The following ASTN2 variants were observed in gnomAD, a reference collection of about 807,000 sequenced individuals.
The protein encoded by ASTN2 is astrotactin-2.
A neutral mutation model predicts 139.8 loss-of-function variants in ASTN2; 54 were observed. The observed-to-expected ratio is 0.39, with a 90% CI of 0.31 to 0.48. The LOEUF (loss-of-function observed/expected upper bound fraction) is 0.48, where lower values mean the gene tolerates loss of function less well. Among genes scored for constraint, ASTN2 ranks in the 20% least tolerant of loss-of-function variants. ASTN2 has a pLI of 0.95. For missense variants in ASTN2, 1,565 were observed against 1,725.1 expected, an observed-to-expected ratio of 0.91 and a Z score of 1.64; for synonymous variants, 756 against 719.5, an observed-to-expected ratio of 1.05 and a Z score of -0.81.
chr9:117,318,941 G>A (rs759551340), intron 1 of ASTN2, among the ~76,000 whole-genome samples: 3 of 152,192 alleles, frequency 2.0e-5, no homozygotes, highest in Non-Finnish European at 2.9e-5. Flanking sequence ...AAGCGGGGGC[G>A]AGTTTCAACT....
intron 10 of ASTN2, among the ~76,000 whole-genome samples, chr9:116,935,150 TAC>T (rs1275511671): frequency 6.6e-6 from 1 of 152,232 alleles, no homozygotes; most frequent in Non-Finnish European, 1.5e-5. Flanking sequence ...TGGTTGAACA[TAC>T]ACTTCTAGGT....
chr9:116,873,855 G>A (rs991000794), intron 10 of ASTN2, among the ~76,000 whole-genome samples: 1 of 152,180 alleles, frequency 6.6e-6, no homozygotes, highest in African/African-American at 2.4e-5. Context: ...TTCCAGCCAT[G>A]TAGGACATGT....
At chr9:116,442,832 G>T (rs1847878508) in intron 20 of ASTN2, among the ~76,000 whole-genome samples, 1 of 152,196 alleles carries the variant, frequency 6.6e-6, no homozygotes, top group Non-Finnish European at 1.5e-5. Flanking sequence ...GGGACAGAAT[G>T]GGGGTATTGA....
chr9:117,044,133 G>A (rs1838665148), intron 5 of ASTN2, among the ~76,000 whole-genome samples: 2 of 152,164 alleles, frequency 1.3e-5, no homozygotes, highest in South Asian at 4.1e-4. Context: ...AAAAGAAATA[G>A]TGGTGTTTGT....
At chr9:116,981,170 T>G (rs890909115) in intron 7 of ASTN2, among the ~76,000 whole-genome samples, 5 of 152,196 alleles carry the variant, frequency 3.3e-5, no homozygotes, top group African/African-American at 1.2e-4. Context: ...GTTCCCCCAC[T>G]AAGCTGGGAA....
intron 10 of ASTN2, among the ~76,000 whole-genome samples, chr9:116,969,562 A>G (rs527707246): frequency 6.6e-6 from 1 of 152,250 alleles, no homozygotes; most frequent in South Asian, 2.1e-4. Context: ...AGAAAAACAG[A>G]GTGCACCAGA....
intron 11 of ASTN2, among the ~76,000 whole-genome samples, chr9:116,847,349 T>C (rs1012326611): frequency 8.5e-5 from 13 of 152,100 alleles, no homozygotes; most frequent in African/African-American, 2.7e-4. Flanking sequence ...CTCTTGACCT[T>C]GTGATCTACC....
At chr9:117,398,914 T>C (rs1830749747) in intron 1 of ASTN2, among the ~76,000 whole-genome samples, 1 of 152,182 alleles carries the variant, frequency 6.6e-6, no homozygotes, top group Non-Finnish European at 1.5e-5. Flanking sequence ...CCCGAGTAGC[T>C]GGGACTACAG....
chr9:117,412,431 A>C (rs979112453), intron 1 of ASTN2, among the ~76,000 whole-genome samples: 2 of 152,052 alleles, frequency 1.3e-5, no homozygotes, highest in African/African-American at 4.8e-5. Context: ...GTCCTGGGGG[A>C]ATCAAGACTT....
In ASTN2 at chr9:117,365,587, T is replaced by C. The variant is rs115079028; in HGVS notation, c.442+48910A>G. Among the ~76,000 whole-genome samples, 1,227 of 152,236 alleles carry C rather than the reference T, an allele frequency of 8.1e-3. 14 individuals carry two copies. Among genetic ancestry groups the C allele is most frequent in the African/African-American group, 0.028 (1,165 of 41,530 alleles). On this transcript the variant is annotated intron_variant, in intron 1 of 22. Coordinates refer to ENST00000313400, the MANE Select transcript of ASTN2 (RefSeq NM_001365068.1). ...CTTGACAGGTAAATGCTCTGGTCCA[T>C]GAGTGGCATTCACCACTTCCACTCA...
intron 3 of ASTN2, among the ~76,000 whole-genome samples, chr9:117,162,278 C>G (rs1457109411): frequency 6.6e-6 from 1 of 152,058 alleles, no homozygotes; most frequent in African/African-American, 2.4e-5. Context: ...TGCCTGCTCT[C>G]TTGGCAAGTG....
At chr9:117,193,160 C>G (rs536937867) in intron 3 of ASTN2, among the ~76,000 whole-genome samples, 9 of 152,246 alleles carry the variant, frequency 5.9e-5, no homozygotes, top group South Asian at 4.1e-4. Context: ...TAAATGCAAT[C>G]CTGTCTCCCC....
At chr9:117,374,182 A>C (rs1337068040) in intron 1 of ASTN2, among the ~76,000 whole-genome samples, 2 of 152,080 alleles carry the variant, frequency 1.3e-5, no homozygotes, top group African/African-American at 4.8e-5. Flanking sequence ...AGCAGGGCTT[A>C]GGATGGGGAA....
At chr9:116,442,833 G>A (rs947254779) in intron 20 of ASTN2, among the ~76,000 whole-genome samples, 1 of 152,140 alleles carries the variant, frequency 6.6e-6, no homozygotes, top group Non-Finnish European at 1.5e-5. Flanking sequence ...GGACAGAATG[G>A]GGGTATTGAA....
At chr9:117,184,061 G>A (rs1445167935) in intron 3 of ASTN2, among the ~76,000 whole-genome samples, 1 of 152,136 alleles carries the variant, frequency 6.6e-6, no homozygotes, top group African/African-American at 2.4e-5. Flanking sequence ...TTCTGAGATA[G>A]CTACAGGTTA....
chr9:116,887,254 A>T (rs1833633088), intron 10 of ASTN2, among the ~76,000 whole-genome samples: 1 of 152,090 alleles, frequency 6.6e-6, no homozygotes, highest in Non-Finnish European at 1.5e-5. Context: ...ACATAAACAC[A>T]CATAGAAATA....
intron 11 of ASTN2, among the ~76,000 whole-genome samples, chr9:116,837,868 T>G (rs1254337622): frequency 6.6e-6 from 1 of 152,190 alleles, no homozygotes; most frequent in African/African-American, 2.4e-5. Flanking sequence ...AACTTGGGCC[T>G]GAAAGGCAGG....
chr9:117,078,758 T>C (rs1479838747), intron 5 of ASTN2, among the ~76,000 whole-genome samples: 1 of 152,064 alleles, frequency 6.6e-6, no homozygotes, highest in African/African-American at 2.4e-5. Context: ...TTTTTTGAGA[T>C]GGAGTCTCAC....
intron 3 of ASTN2, among the ~76,000 whole-genome samples, chr9:117,200,734 T>C (rs1334731634): frequency 6.6e-6 from 1 of 152,064 alleles, no homozygotes; most frequent in Admixed American, 6.6e-5. Flanking sequence ...GGTGGATAAG[T>C]TTTTTGACGT....
Sources: gnomAD v4.1 joint callset for allele counts (sites outside exome capture counted in the v4.1 genomes callset) on GRCh38, gnomAD v4.1.1 for gene constraint, MANE v1.5 for transcripts, NCBI Gene and HGNC (gene_info 2026-07-23, HGNC 2026-07-21) for gene names.